FAAH2: variants seen among roughly 807,000 people sequenced by gnomAD.
The protein encoded by FAAH2 is fatty-acid amide hydrolase 2.
In FAAH2, 60 loss-of-function variants were observed where a neutral mutation model predicts 36.9. The observed-to-expected ratio is 1.63, with a 90% CI of 1.32 to 2.02. The LOEUF (loss-of-function observed/expected upper bound fraction) is 2.02, where lower values mean the gene tolerates loss of function less well. Among genes scored for constraint, FAAH2 ranks in the 30% most tolerant of loss-of-function variants. The probability of loss-of-function intolerance (pLI) is 0.00; values close to 1 mark genes in which losing one functional copy is unlikely to be tolerated. For synonymous variants in FAAH2, 214 were observed against 143.8 expected (o/e 1.49, Z -3.49); for missense variants, 689 against 397.5 (o/e 1.73, Z -6.23).
chrX:57,460,604 G>C (rs1193933396), intron 10 of FAAH2, among the ~76,000 whole-genome samples: 1 of 111,771 alleles, frequency 8.9e-6, no homozygotes, highest in Non-Finnish European at 1.9e-5. Flanking sequence ...CAAATGCTCA[G>C]GGATTTTGTC....
intron 7 of FAAH2, among the ~76,000 whole-genome samples, chrX:57,421,345 A>G (rs2056020670): frequency 8.9e-6 from 1 of 112,109 alleles, no homozygotes; most frequent in Non-Finnish European, 1.9e-5. Context: ...TCAGCTACTC[A>G]GGTGGGTGAG....
At chrX:57,423,669 G>A (rs1303534482) in intron 7 of FAAH2, among the ~76,000 whole-genome samples, 1 of 110,937 alleles carries the variant, frequency 9.0e-6, no homozygotes, top group East Asian at 2.8e-4. Context: ...CATTGCCCCA[G>A]TGGTGTTAGA....
chrX:57,341,212 T>C, intron 4 of FAAH2, 59 bp from the exon 5 acceptor site: 1 of 1,112,309 alleles, frequency 9.0e-7, no homozygotes, highest in Non-Finnish European at 1.2e-6. Context: ...TGGAAAAAGA[T>C]ATTCCATGCA....
intron 7 of FAAH2, among the ~76,000 whole-genome samples, chrX:57,421,565 G>T (rs1243668226): frequency 9.0e-6 from 1 of 111,598 alleles, no homozygotes; most frequent in Non-Finnish European, 1.9e-5. Flanking sequence ...CAGGGAAATA[G>T]AATAAATACC....
intron 10 of FAAH2, among the ~76,000 whole-genome samples, chrX:57,488,302 G>T (rs1399442757): frequency 8.9e-6 from 1 of 111,819 alleles, no homozygotes; most frequent in African/African-American, 3.2e-5. Context: ...AGTGTGAAAT[G>T]ATATTACAAA....
chrX:57,461,161 C>A (rs1475821559), intron 10 of FAAH2, among the ~76,000 whole-genome samples: 1 of 108,078 alleles, frequency 9.3e-6, no homozygotes, highest in African/African-American at 3.3e-5. Flanking sequence ...AAAAAAAGTT[C>A]TCAGAGTTCT....
chrX:57,447,329 G>A (rs1483560968), intron 9 of FAAH2, among the ~76,000 whole-genome samples: 2 of 111,062 alleles, frequency 1.8e-5, no homozygotes, highest in Non-Finnish European at 3.8e-5. Flanking sequence ...TGGATTTTCT[G>A]GGTGTACTGT....
At chrX:57,200,411 G>A in the FAAH2 span, among the ~76,000 whole-genome samples, 4 of 94,184 alleles carry the variant, frequency 4.2e-5, no homozygotes, top group South Asian at 4.9e-4. Flanking sequence ...ACAGAATCTC[G>A]TTCTGTCACC....
chrX:57,306,998 C>G (rs6151307), intron 2 of FAAH2, among the ~76,000 whole-genome samples: 1 of 34,942 alleles, frequency 2.9e-5, no homozygotes, highest in Non-Finnish European at 6.1e-5. Context: ...CACACAGATA[C>G]ATATATATAT....
chrX:57,294,462 C>G (rs2052074038), intron 2 of FAAH2, among the ~76,000 whole-genome samples: 1 of 112,098 alleles, frequency 8.9e-6, no homozygotes, highest in Admixed American at 9.5e-5. Context: ...GTCACACAAG[C>G]AAGATACCTA....
the FAAH2 span, among the ~76,000 whole-genome samples, chrX:57,123,063 T>G: frequency 9.0e-6 from 1 of 111,463 alleles, no homozygotes; most frequent in African/African-American, 3.3e-5. Context: ...GCAGGTTAGT[T>G]ACATGTGTAT....
chrX:57,486,425 G>T (rs952999638), intron 10 of FAAH2, among the ~76,000 whole-genome samples: 2 of 111,645 alleles, frequency 1.8e-5, no homozygotes, highest in African/African-American at 3.3e-5. Context: ...ACATAAGGAA[G>T]CTGGCTAGGG....
chrX:57,171,248 G>A, the FAAH2 span, among the ~76,000 whole-genome samples: 72 of 111,652 alleles, frequency 6.4e-4, 1 homozygote, highest in African/African-American at 2.3e-3. Flanking sequence ...TTGATATAGT[G>A]ATTTCTTTTC....
chrX:57,332,099 T>A (rs2053425037), intron 4 of FAAH2, among the ~76,000 whole-genome samples: 1 of 112,156 alleles, frequency 8.9e-6, no homozygotes, highest in African/African-American at 3.2e-5. Context: ...GAAAAAAAAG[T>A]GTATAGACAC....
At chrX:57,179,059 G>A in the FAAH2 span, among the ~76,000 whole-genome samples, 3 of 111,169 alleles carry the variant, frequency 2.7e-5, no homozygotes, top group African/African-American at 9.8e-5. Context: ...TCCTATTCAG[G>A]CAAGCCAGTA....
the FAAH2 span, among the ~76,000 whole-genome samples, chrX:57,126,485 G>A: frequency 1.8e-5 from 2 of 112,112 alleles, no homozygotes; most frequent in Non-Finnish European, 3.8e-5. Flanking sequence ...TGCTATGCAT[G>A]AGGCATTTTC....
the FAAH2 span, chrX:57,136,429 C>T: frequency 1.2e-5 from 9 of 742,835 alleles, no homozygotes; most frequent in Non-Finnish European, 1.7e-5. Context: ...TCCTTCCATC[C>T]ATGAGAAATT....
chrX:57,355,904 A>G (rs764936004), intron 5 of FAAH2, among the ~76,000 whole-genome samples: 7 of 111,229 alleles, frequency 6.3e-5, no homozygotes, highest in Admixed American at 3.8e-4. Flanking sequence ...AACATTGAGC[A>G]TGTTAGCTTT....
At chrX:57,263,059 T>C in the FAAH2 span, among the ~76,000 whole-genome samples, 1 of 111,098 alleles carries the variant, frequency 9.0e-6, no homozygotes, top group African/African-American at 3.3e-5. Context: ...AGGCAAAAAT[T>C]TTTATTCTCA....
Sources: gnomAD v4.1 joint callset for allele counts (sites outside exome capture counted in the v4.1 genomes callset) on GRCh38, gnomAD v4.1.1 for gene constraint, MANE v1.5 for transcripts, NCBI Gene and HGNC (gene_info 2026-07-23, HGNC 2026-07-21) for gene names.